Variants in CNTNAP2 observed in about 807,000 individuals in gnomAD.
CNTNAP2 encodes the protein contactin-associated protein-like 2.
CNTNAP2 carries 98 observed loss-of-function variants against 155.2 expected under a neutral mutation model. The ratio of observed to expected loss-of-function variants is 0.63; its 90% CI spans 0.54 to 0.75. The LOEUF (loss-of-function observed/expected upper bound fraction) is 0.75. Ranked by LOEUF, CNTNAP2 falls within the 30% of genes least tolerant of loss-of-function variation. CNTNAP2 has a pLI of 0.00. For synonymous variants in CNTNAP2, 651 were observed against 631.2 expected, an observed-to-expected ratio of 1.03 and a Z score of -0.47; for missense variants, 1,727 against 1,688.1, an observed-to-expected ratio of 1.02 and a Z score of -0.40.
intron 8 of CNTNAP2, among the ~76,000 whole-genome samples, chr7:147,193,848 G>A (rs1265537556): frequency 1.3e-5 from 2 of 152,046 alleles, no homozygotes; most frequent in Non-Finnish European, 2.9e-5. Flanking sequence ...GGAGAGTAGG[G>A]ATACTTTTAA....
chr7:148,176,062 G>A (rs1794928533), intron 18 of CNTNAP2, among the ~76,000 whole-genome samples: 1 of 151,928 alleles, frequency 6.6e-6, no homozygotes, highest in Non-Finnish European at 1.5e-5. Context: ...AGGAAGACAG[G>A]GCTGGATTTG....
intron 1 of CNTNAP2, among the ~76,000 whole-genome samples, chr7:146,204,830 C>T (rs976116810): frequency 3.9e-5 from 6 of 152,038 alleles, no homozygotes; most frequent in African/African-American, 1.4e-4. Context: ...TTTAATATTC[C>T]TATTTTTACC....
At chr7:148,385,448 A>G (rs1353872767) in intron 22 of CNTNAP2, among the ~76,000 whole-genome samples, 1 of 152,202 alleles carries the variant, frequency 6.6e-6, no homozygotes, top group Non-Finnish European at 1.5e-5. Flanking sequence ...TCTCTCAGAT[A>G]AATTCCTCCA....
chr7:147,102,610 G>A (rs747880310), intron 4 of CNTNAP2, among the ~76,000 whole-genome samples: 8 of 152,072 alleles, frequency 5.3e-5, no homozygotes, highest in Non-Finnish European at 7.4e-5. Flanking sequence ...GAGCCTTGAG[G>A]TTTTTTGTTT....
chr7:148,380,931 C>T (rs1637851), intron 21 of CNTNAP2, among the ~76,000 whole-genome samples: 108,728 of 152,036 alleles, frequency 0.72, 40,026 homozygotes, highest in Admixed American at 0.81. Flanking sequence ...GGAGGAAGCA[C>T]GCATGTGAAT....
intron 11 of CNTNAP2, among the ~76,000 whole-genome samples, chr7:147,515,608 A>G (rs1273780288): frequency 6.6e-6 from 1 of 152,088 alleles, no homozygotes; most frequent in Non-Finnish European, 1.5e-5. Context: ...GGCGTGAACC[A>G]CTGTATGCAG....
chr7:148,419,771 T>C lies in CNTNAP2; in HGVS notation c.*4155T>C, dbSNP rs1800074215. The C allele has an allele frequency of 1.3e-5, 2 of 152,098 alleles. No homozygotes were observed. Among genetic ancestry groups the C allele is most frequent in the Non-Finnish European group, 2.9e-5 (2 of 68,084 alleles). 9.4% of individuals were successfully genotyped at this position (152,098 alleles called of 1,614,324 possible). A position where few individuals can be genotyped will look rare whatever the true frequency, so the allele number is the denominator to read the frequency against. ...CCCCATTTTTTAAATGATGTTTTGG[T>C]TAAGAGTGGACCATGAGAATTAGCT... On this transcript the variant is annotated 3_prime_UTR_variant, in exon 24 of 24. Coordinates refer to ENST00000361727, the MANE Select transcript of CNTNAP2 (RefSeq NM_014141.6).
rs187729175 is a variant in CNTNAP2, at chr7:146,629,775, C to A, written c.98-144496C>A. On this transcript the variant is annotated intron_variant, in intron 1 of 23. Coordinates refer to ENST00000361727, the MANE Select transcript of CNTNAP2 (RefSeq NM_014141.6). ...ATGGCACACTGTGCATGAGTAATAA[C>A]AACAAGAAGAAACTGGAGGCTTATG... Among the ~76,000 whole-genome samples, 8 of 152,184 alleles carry A rather than the reference C, an allele frequency of 5.3e-5. No individual in the cohort carries two copies. In the East Asian group the frequency reaches 1.5e-3, roughly 29 times the overall value.
intron 2 of CNTNAP2, among the ~76,000 whole-genome samples, chr7:146,794,984 T>A (rs1256046976): frequency 6.6e-6 from 1 of 152,238 alleles, no homozygotes; most frequent in Admixed American, 6.5e-5. Flanking sequence ...CAGCTTCATA[T>A]GCTATAGACA....
intron 13 of CNTNAP2, among the ~76,000 whole-genome samples, chr7:147,674,681 C>G (rs1303118653): frequency 6.6e-6 from 1 of 152,044 alleles, no homozygotes; most frequent in Non-Finnish European, 1.5e-5. Context: ...TGATAAGATT[C>G]AAAGAAATTT....
At position 147,401,485 on chromosome 7, in the gene CNTNAP2, T is replaced by C. The variant is rs78340061; in HGVS notation, c.1670+5705T>C. 5.3e-4 allele frequency among the ~76,000 whole-genome samples: 81 copies of C among 152,298 alleles called. No individual in the cohort carries two copies. In the East Asian group the frequency reaches 0.015, roughly 29 times the overall value. ...AAAAGAATAAGTAAATGAATTTTCA[T>C]AAGAACATTTAAATGAGGATTAGGT... On this transcript the variant is annotated intron_variant, in intron 10 of 23. Transcript: ENST00000361727.
rs180896018 is a variant in CNTNAP2 at position 148,166,101 on chromosome 7, C to A, written c.2774-6141C>A. Among the ~76,000 whole-genome samples, 10 of 152,092 alleles carry A rather than the reference C, an allele frequency of 6.6e-5. No homozygotes were observed. In the East Asian group the frequency reaches 1.6e-3, roughly 24 times the overall value. On this transcript the variant is annotated intron_variant, in intron 17 of 23. Transcript: ENST00000361727. ...CCCTACTTGAAATTGCAGCCTCCCC[C>A]ACCCCACTCCAACTCTGGATCCCAG...
intron 13 of CNTNAP2, among the ~76,000 whole-genome samples, chr7:147,768,176 A>C (rs1420183122): frequency 6.6e-6 from 1 of 152,182 alleles, no homozygotes; most frequent in Non-Finnish European, 1.5e-5. Context: ...TGAAGATCAC[A>C]GAAAAATTTG....
chr7:147,303,055 G>A (rs1358290180), intron 9 of CNTNAP2, among the ~76,000 whole-genome samples: 2 of 152,172 alleles, frequency 1.3e-5, no homozygotes, highest in Non-Finnish European at 2.9e-5. Context: ...CTCAGCGAAT[G>A]ACTGGCACAG....
intron 18 of CNTNAP2, among the ~76,000 whole-genome samples, chr7:148,199,106 G>T (rs1034540405): frequency 2.0e-5 from 3 of 152,168 alleles, no homozygotes; most frequent in Non-Finnish European, 4.4e-5. Flanking sequence ...TTGAGCAAAG[G>T]AGTAACATGA....
At chr7:146,352,254 T>C (rs900085175) in intron 1 of CNTNAP2, among the ~76,000 whole-genome samples, 1 of 152,202 alleles carries the variant, frequency 6.6e-6, no homozygotes, top group African/African-American at 2.4e-5. Flanking sequence ...TGTATAAATA[T>C]AGCTGGAATT....
At chr7:146,696,465 A>G (rs1490350252) in intron 1 of CNTNAP2, among the ~76,000 whole-genome samples, 1 of 152,128 alleles carries the variant, frequency 6.6e-6, no homozygotes, top group Admixed American at 6.6e-5. Flanking sequence ...AACTTTTCAA[A>G]GAACACTAGC....
At chr7:146,448,801 C>G (rs946815877) in intron 1 of CNTNAP2, among the ~76,000 whole-genome samples, 2 of 152,092 alleles carry the variant, frequency 1.3e-5, no homozygotes, top group Non-Finnish European at 2.9e-5. Flanking sequence ...TCACACTACA[C>G]CTTTATAGTT....
chr7:148,142,089 GTC>G (rs1249577577), intron 16 of CNTNAP2, among the ~76,000 whole-genome samples: 1 of 137,810 alleles, frequency 7.3e-6, no homozygotes, highest in African/African-American at 2.7e-5. Context: ...GTAGAGATAT[GTC>G]TCTGTGTGTG....
Sources: gnomAD v4.1 joint callset for allele counts (sites outside exome capture counted in the v4.1 genomes callset) on GRCh38, gnomAD v4.1.1 for gene constraint, MANE v1.5 for transcripts, NCBI Gene and HGNC (gene_info 2026-07-23, HGNC 2026-07-21) for gene names.